Variants in LRBA observed in about 807,000 individuals in gnomAD.
LRBA encodes the protein LPS responsive beige-like anchor protein, also known as lipopolysaccharide-responsive and beige-like anchor protein.
LRBA carries 176 observed loss-of-function variants against 330.0 expected under a neutral mutation model. The observed-to-expected ratio is 0.53, with a 90% CI of 0.47 to 0.60. The LOEUF (loss-of-function observed/expected upper bound fraction) is 0.60, where lower values mean the gene tolerates loss of function less well. Ranked by LOEUF, LRBA falls within the 20% of genes least tolerant of loss-of-function variation. LRBA has a pLI of 0.00. For synonymous variants in LRBA, 1,230 were observed against 1,193.0 expected (o/e 1.03, Z -0.64); for missense variants, 3,259 against 3,444.8 (o/e 0.95, Z 1.35).
Position 150,851,904 on chromosome 4 carries a change from G to C in LRBA, c.3806C>G (p.Pro1269Arg). Residue 1269 changes from proline (P) to arginine (R), a missense_variant, in exon 23 of 57, where the codon CCT becomes CGT. Coordinates refer to ENST00000651943, the MANE Select transcript of LRBA (RefSeq NM_001364905.1). ...KASPNVEAPQ[P>R]HRHVLEISRQ... The stretch of plus-strand genomic sequence containing the variant: ...AATCACCTCAAGCACATGTCGATGA[G>C]GTTGAGGTGCTTCCACGTTGGGACT... 2 of 1,613,260 alleles carry C rather than the reference G, an allele frequency of 1.2e-6. No individual in the cohort carries two copies. The highest frequency in any genetic ancestry group is 1.7e-6 in the Non-Finnish European group (2 of 1,179,548).
chr4:150,309,892 C>G (rs988045159), intron 52 of LRBA, among the ~76,000 whole-genome samples: 7 of 152,086 alleles, frequency 4.6e-5, no homozygotes, highest in African/African-American at 9.7e-5. Context: ...AAATACACTT[C>G]TGTGTGTGTG....
chr4:150,329,525 T>C (rs1424533271), intron 48 of LRBA, among the ~76,000 whole-genome samples: 1 of 152,190 alleles, frequency 6.6e-6, no homozygotes, highest in Non-Finnish European at 1.5e-5. Flanking sequence ...TTTTGCTGAC[T>C]TGTCATCCAT....
chr4:150,497,805 T>G (rs558985784), intron 40 of LRBA, among the ~76,000 whole-genome samples: 2 of 152,194 alleles, frequency 1.3e-5, no homozygotes, highest in Non-Finnish European at 2.9e-5. Context: ...CACACTCTTA[T>G]GTTTTCTCTT....
chr4:150,952,559 G>A (rs1736954821), intron 2 of LRBA, among the ~76,000 whole-genome samples: 1 of 152,070 alleles, frequency 6.6e-6, no homozygotes, highest in Admixed American at 6.5e-5. Flanking sequence ...ATTCCCAAGA[G>A]CCTGTCTCTT....
intron 2 of LRBA, among the ~76,000 whole-genome samples, chr4:151,005,553 A>C (rs1030995336): frequency 6.7e-6 from 1 of 148,266 alleles, no homozygotes; most frequent in African/African-American, 2.5e-5. Context: ...GAAAATAATG[A>C]CACTGTTCTT....
intron 44 of LRBA, among the ~76,000 whole-genome samples, chr4:150,452,046 A>C (rs1355365082): frequency 6.6e-6 from 1 of 152,218 alleles, no homozygotes; most frequent in Admixed American, 6.5e-5. Context: ...AGGAAATAGA[A>C]GAGGAAAAAA....
intron 35 of LRBA, among the ~76,000 whole-genome samples, chr4:150,759,751 G>C (rs1324883509): frequency 6.6e-6 from 1 of 151,188 alleles, no homozygotes; most frequent in Non-Finnish European, 1.5e-5. Context: ...TATCTATTTT[G>C]TTTATTGCTG....
intron 22 of LRBA, among the ~76,000 whole-genome samples, chr4:150,859,726 C>T (rs1751662885): frequency 6.6e-6 from 1 of 152,158 alleles, no homozygotes; most frequent in Non-Finnish European, 1.5e-5. Context: ...GTTTCTTTGG[C>T]TTTTTATAGC....
intron 47 of LRBA, among the ~76,000 whole-genome samples, chr4:150,373,786 T>C (rs1157619513): frequency 6.6e-6 from 1 of 152,142 alleles, no homozygotes; most frequent in Non-Finnish European, 1.5e-5. Flanking sequence ...TCTTCTCCAT[T>C]GCATAATGTT....
At chr4:150,573,551 G>A (rs768964761) in intron 40 of LRBA, among the ~76,000 whole-genome samples, 1 of 152,142 alleles carries the variant, frequency 6.6e-6, no homozygotes, top group African/African-American at 2.4e-5. Flanking sequence ...TGGTATATAT[G>A]TCAAAATGAG....
At chr4:150,467,270 T>C (rs1351020869) in intron 44 of LRBA, among the ~76,000 whole-genome samples, 2 of 152,108 alleles carry the variant, frequency 1.3e-5, no homozygotes, top group Non-Finnish European at 2.9e-5. Flanking sequence ...TTGAAAACTG[T>C]TATGTAAATT....
intron 37 of LRBA, among the ~76,000 whole-genome samples, chr4:150,637,270 T>A (rs887157535): frequency 1.3e-5 from 2 of 152,178 alleles, no homozygotes; most frequent in African/African-American, 4.8e-5. Flanking sequence ...TTTGGGATTA[T>A]CTGTTCTGTT....
intron 37 of LRBA, among the ~76,000 whole-genome samples, 161 bp downstream of exon 37, chr4:150,683,390 T>C (rs1462140970): frequency 1.3e-5 from 2 of 152,222 alleles, no homozygotes; most frequent in African/African-American, 4.8e-5. Flanking sequence ...GTACCCATAC[T>C]GATTTTCTCC....
rs773001726 is a variant in LRBA, at chr4:150,282,510, G to T, written c.8256C>A (p.Phe2752Leu). The T allele has an allele frequency of 8.1e-6, 13 of 1,614,152 alleles. No homozygotes were observed. The Middle Eastern group carries it at 8.2e-4, about 102-fold the overall frequency. The change falls in exon 55 of 57, where the codon TTC becomes TTA. Residue 2752 changes from phenylalanine to leucine, a missense_variant. Coordinates refer to ENST00000651943, the MANE Select transcript of LRBA (RefSeq NM_001364905.1). ...HCVIFYENGL[F>L]CTFSVNGKLQ... is the part of the protein sequence containing the mutation. Reference sequence around the variant, plus strand: ...GTTTTCCATTCACACTGAATGTACAGAAGAGGCCGTTTTCATAGAATATGA... The same window carrying T: ...GTTTTCCATTCACACTGAATGTACATAAGAGGCCGTTTTCATAGAATATGA...
intron 33 of LRBA, among the ~76,000 whole-genome samples, chr4:150,799,201 T>C (rs1017001398): frequency 2.0e-5 from 3 of 152,226 alleles, no homozygotes; most frequent in East Asian, 3.8e-4. Context: ...TAGAACCATT[T>C]TTCTCAATGT....
intron 12 of LRBA, 148 bp from the exon 13 acceptor site, chr4:150,906,138 G>A: frequency 3.7e-6 from 3 of 816,634 alleles, no homozygotes; most frequent in Non-Finnish European, 5.9e-6. Context: ...GTTTGATAGA[G>A]GAATGGAGGC....
At chr4:150,782,894 T>A (rs540819635) in intron 34 of LRBA, among the ~76,000 whole-genome samples, 27 of 145,222 alleles carry the variant, frequency 1.9e-4, no homozygotes, top group Admixed American at 9.5e-4. Flanking sequence ...CTTTTTTTTT[T>A]AAATTTAGTG....
intron 20 of LRBA, among the ~76,000 whole-genome samples, chr4:150,869,824 G>A (rs950863808): frequency 4.6e-5 from 7 of 152,168 alleles, no homozygotes; most frequent in Non-Finnish European, 8.8e-5. Context: ...GGAGGTTGAG[G>A]TGGGAAGATT....
intron 56 of LRBA, among the ~76,000 whole-genome samples, chr4:150,267,635 G>A (rs187514842): frequency 2.0e-5 from 3 of 152,168 alleles, no homozygotes; most frequent in East Asian, 1.9e-4. Context: ...CCCCAGGCTA[G>A]GCAGAAGGAA....
Sources: allele counts gnomAD v4.1 joint callset (sites outside exome capture counted in the v4.1 genomes callset), GRCh38; gene constraint gnomAD v4.1.1; transcripts MANE v1.5; gene names NCBI Gene and HGNC (gene_info 2026-07-23, HGNC 2026-07-21).